The following SHROOM2 variants were observed in gnomAD, a reference collection of about 807,000 sequenced individuals.
SHROOM2 encodes the protein shroom family member 2, also known as protein Shroom2.
A neutral mutation model predicts 75.9 loss-of-function variants in SHROOM2; 33 were observed. The ratio of observed to expected loss-of-function variants is 0.43; its 90% CI spans 0.33 to 0.58. The LOEUF is 0.58. Among genes scored for constraint, SHROOM2 ranks in the 20% least tolerant of loss-of-function variants. The probability of loss-of-function intolerance (pLI) is 0.04; values close to 1 mark genes in which losing one functional copy is unlikely to be tolerated. For synonymous variants in SHROOM2, 655 were observed against 663.6 expected, an observed-to-expected ratio of 0.99 and a Z score of 0.20; for missense variants, 1,434 against 1,461.2, an observed-to-expected ratio of 0.98 and a Z score of 0.30.
intron 1 of SHROOM2, among the ~76,000 whole-genome samples, chrX:9,820,001 A>G (rs916248575): frequency 1.8e-5 from 2 of 108,225 alleles, no homozygotes; most frequent in Admixed American, 2.0e-4. Context: ...GGGTTTCACT[A>G]TGTTGTCCAG....
In SHROOM2 at chrX:9,897,680, C is replaced by CAAAAAAAAAAAAAAAAAAAAA. The variant is rs56026461; in HGVS notation, c.2791-490_2791-489insAAAAAAAAAAAAAAAAAAAAA. Among the ~76,000 whole-genome samples, 66 of 70,572 alleles carry CAAAAAAAAAAAAAAAAAAAAA rather than the reference C, an allele frequency of 9.4e-4. 2 individuals are homozygous for CAAAAAAAAAAAAAAAAAAAAA. The highest frequency in any genetic ancestry group is 3.9e-3 in the African/African-American group (65 of 16,635). 61.3% of individuals were successfully genotyped at this position (70,572 alleles called of 115,157 possible). A position where few individuals can be genotyped will look rare whatever the true frequency, so the allele number is the denominator to read the frequency against. ...TGGGCAAAAGAGCAAGACCCTGTCT[C>CAAAAAAAAAAAAAAAAAAAAA]AAAAAAAAAAAAAAAAAAAAGAACC... On this transcript the variant is annotated intron_variant, in intron 4 of 9. Transcript: ENST00000380913.
chrX:9,906,572 A>C (rs1003534174), intron 5 of SHROOM2, among the ~76,000 whole-genome samples: 1 of 112,673 alleles, frequency 8.9e-6, no homozygotes, highest in African/African-American at 3.2e-5. Context: ...AGGCGGGTGG[A>C]TCACCTGAGG....
intron 1 of SHROOM2, among the ~76,000 whole-genome samples, chrX:9,848,510 C>CAAAAAAAAAAAAAAA (rs774991614): frequency 5.9e-4 from 13 of 21,993 alleles, no homozygotes; most frequent in Non-Finnish European, 9.5e-4. Context: ...GACTCCGTCT[C>CAAAAAAAAAAAAAAA]AAAAAAAAAA....
chrX:9,803,953 C>T (rs772592489), intron 1 of SHROOM2, among the ~76,000 whole-genome samples: 25 of 111,157 alleles, frequency 2.2e-4, no homozygotes, highest in Non-Finnish European at 3.4e-4. Context: ...CAAATCTAGC[C>T]GTTTAAACAT....
At chrX:9,806,189 CAGTT>C (rs1050516270) in intron 1 of SHROOM2, among the ~76,000 whole-genome samples, 1 of 110,539 alleles carries the variant, frequency 9.0e-6, no homozygotes, top group Non-Finnish European at 1.9e-5. Flanking sequence ...TGAACTAAGA[CAGTT>C]AGTGAGGAGC....
intron 5 of SHROOM2, among the ~76,000 whole-genome samples, chrX:9,899,928 T>G (rs1041963389): frequency 8.9e-6 from 1 of 112,138 alleles, no homozygotes; most frequent in African/African-American, 3.2e-5. Context: ...ATGCCACCAG[T>G]GTATCATCTG....
chrX:9,805,231 C>T (rs1197284789), intron 1 of SHROOM2, among the ~76,000 whole-genome samples: 7 of 110,981 alleles, frequency 6.3e-5, no homozygotes, highest in South Asian at 7.6e-4. Flanking sequence ...GGCGACAGAG[C>T]GAGACTGTCT....
At chrX:9,801,311 G>C (rs924474341) in intron 1 of SHROOM2, among the ~76,000 whole-genome samples, 1 of 112,146 alleles carries the variant, frequency 8.9e-6, no homozygotes, top group Admixed American at 9.4e-5. Context: ...AGCTATAATT[G>C]AAGATGAGAT....
intron 1 of SHROOM2, among the ~76,000 whole-genome samples, chrX:9,794,324 A>G (rs920008312): frequency 9.0e-6 from 1 of 110,914 alleles, no homozygotes; most frequent in Non-Finnish European, 1.9e-5. Context: ...CTCCCTTGCA[A>G]CATACTTTTT....
chrX:9,859,659 A>G (rs906696483), intron 1 of SHROOM2, among the ~76,000 whole-genome samples: 1 of 111,786 alleles, frequency 8.9e-6, no homozygotes, highest in African/African-American at 3.3e-5. Context: ...CCCAGTAAAC[A>G]AAGCTCTGCA....
In SHROOM2 at chrX:9,874,152, G is replaced by A. The variant is rs184189317; in HGVS notation, c.317+349G>A. Among the ~76,000 whole-genome samples the A allele has an allele frequency of 5.4e-5, 6 of 112,036 alleles. No individual in the cohort carries two copies. The East Asian group carries it at 1.4e-3, about 26-fold the overall frequency. On this transcript the variant is annotated intron_variant, in intron 2 of 9. Coordinates refer to ENST00000380913, the MANE Select transcript of SHROOM2 (RefSeq NM_001649.4). ...TGTACACAAGGTGGCAGGCCACTGC[G>A]CTTTCTGTTTTCATGCTAGAAAGAG...
chrX:9,908,896 G>A (rs1019929575), intron 5 of SHROOM2, among the ~76,000 whole-genome samples: 3 of 110,407 alleles, frequency 2.7e-5, no homozygotes, highest in African/African-American at 9.9e-5. Flanking sequence ...AGTGAGCTAT[G>A]ATGGTGCCAC....
At chrX:9,937,719 C>G (rs2084729294) in intron 7 of SHROOM2, 34 bp downstream of exon 7, 3 of 1,076,022 alleles carry the variant, frequency 2.8e-6, no homozygotes, top group Non-Finnish European at 2.5e-6. Context: ...TTGGGCGTGA[C>G]TCTGCCTGGC....
intron 1 of SHROOM2, among the ~76,000 whole-genome samples, chrX:9,872,912 T>C (rs2084179234): frequency 8.9e-6 from 1 of 112,267 alleles, no homozygotes; most frequent in Non-Finnish European, 1.9e-5. Context: ...ATAGATAAAA[T>C]GCGGTCTGTC....
At chrX:9,875,110 A>AAAG (rs2084192753) in intron 2 of SHROOM2, among the ~76,000 whole-genome samples, 1 of 93,116 alleles carries the variant, frequency 1.1e-5, no homozygotes, top group Non-Finnish European at 2.1e-5. Context: ...AAAAAAAAAA[A>AAAG]GGGGAGGAAG....
intron 3 of SHROOM2, among the ~76,000 whole-genome samples, chrX:9,891,832 G>A (rs1407192161): frequency 9.1e-6 from 1 of 109,529 alleles, no homozygotes; most frequent in African/African-American, 3.3e-5. Flanking sequence ...ACATGTATAT[G>A]TGTATGTGAG....
intron 1 of SHROOM2, among the ~76,000 whole-genome samples, chrX:9,859,349 T>C (rs909790620): frequency 2.7e-5 from 3 of 112,567 alleles, no homozygotes; most frequent in African/African-American, 9.7e-5. Context: ...TCCAGAAACA[T>C]TGCCTATTGC....
chrX:9,928,239 C>G (rs1345775490), intron 5 of SHROOM2, among the ~76,000 whole-genome samples: 6 of 112,302 alleles, frequency 5.3e-5, no homozygotes, highest in Non-Finnish European at 1.1e-4. Context: ...CCTGCCGGCC[C>G]TCTCCCCTCT....
chrX:9,803,104 TTG>T (rs1167635906), intron 1 of SHROOM2, among the ~76,000 whole-genome samples: 5 of 96,540 alleles, frequency 5.2e-5, no homozygotes, highest in African/African-American at 2.5e-4. Flanking sequence ...ACTTGGTTTT[TTG>T]TTTTTTTTTT....
Sources: gnomAD v4.1 joint callset for allele counts (sites outside exome capture counted in the v4.1 genomes callset) on GRCh38, gnomAD v4.1.1 for gene constraint, MANE v1.5 for transcripts, NCBI Gene and HGNC (gene_info 2026-07-23, HGNC 2026-07-21) for gene names.